DNPEP: variants seen among roughly 807,000 people sequenced by gnomAD.
The protein encoded by DNPEP is aspartyl aminopeptidase.
A neutral mutation model predicts 59.1 loss-of-function variants in DNPEP; 46 were observed. The ratio of observed to expected loss-of-function variants is 0.78; its 90% confidence interval spans 0.61 to 0.99. The LOEUF is 0.99. Among genes scored for constraint, DNPEP ranks in the 50% least tolerant of loss-of-function variants. DNPEP has a pLI of 0.00. For missense variants in DNPEP, 617 were observed against 649.9 expected (o/e 0.95, Z 0.55); for synonymous variants, 229 against 242.2 (o/e 0.95, Z 0.50).
rs746254305 is a variant in DNPEP, at chr2:219,386,321, G to A, written c.424C>T (p.Arg142Cys). 10 of 1,614,176 alleles carry A rather than the reference G, an allele frequency of 6.2e-6. No homozygotes were observed. Among genetic ancestry groups the A allele is most frequent in the South Asian group, 3.3e-5 (3 of 91,088 alleles). ...ACGCGTCCAGCCAGAGTCAGGTCACGGTCAAACCAGGTGCTCCAGATCCCA... is the reference window on the plus strand; with the variant it reads ...ACGCGTCCAGCCAGAGTCAGGTCACAGTCAAACCAGGTGCTCCAGATCCCA... ...GGGIWSTWFD[R>C]DLTLAGRVIV... The change falls in exon 5 of 15, where the codon CGT becomes TGT. Residue 142 changes from arginine (R) to cysteine (C), a missense_variant. Physicochemically the swap from Arg to Cys is radical, Grantham distance 180. Transcript: ENST00000273075.
In DNPEP at chr2:219,398,901, T is replaced by C. The variant is rs565102908; in HGVS notation, c.-158+1039A>G. 2.0e-5 allele frequency among the ~76,000 whole-genome samples: 3 copies of C among 152,354 alleles called. No homozygotes were observed. In the South Asian group the frequency reaches 6.2e-4, roughly 32 times the overall value. On this transcript the variant is annotated intron_variant, in intron 1 of 6. Transcript: ENST00000434339. Reference sequence around the variant, plus strand: ...TGGCAGGCACAGGCCCTCGCCTTCCTCTGGGAGCCAAGATGGGGCATTTCT... The same window carrying C: ...TGGCAGGCACAGGCCCTCGCCTTCCCCTGGGAGCCAAGATGGGGCATTTCT...
intron 10 of DNPEP, among the ~76,000 whole-genome samples, chr2:219,382,358 C>T (rs1953639578): frequency 6.6e-6 from 1 of 152,226 alleles, no homozygotes; most frequent in Non-Finnish European, 1.5e-5. Flanking sequence ...TCCTGCACTG[C>T]TCCCCTTCCT....
At chr2:219,397,475 C>T (rs1954117999) in intron 1 of DNPEP, among the ~76,000 whole-genome samples, 1 of 152,154 alleles carries the variant, frequency 6.6e-6, no homozygotes, top group African/African-American at 2.4e-5. Context: ...AAGTGATTCT[C>T]GTGCTTCAGC....
chr2:219,399,045 C>T (rs1279357731), intron 1 of DNPEP, among the ~76,000 whole-genome samples: 5 of 152,212 alleles, frequency 3.3e-5, no homozygotes, highest in Admixed American at 1.3e-4. Context: ...TTTTGCTTCC[C>T]GTTTATTTAC....
At chr2:219,378,670 A>C (rs962638502) in intron 13 of DNPEP, among the ~76,000 whole-genome samples, 1 of 152,134 alleles carries the variant, frequency 6.6e-6, no homozygotes, top group Non-Finnish European at 1.5e-5. Flanking sequence ...TCAAAGATAG[A>C]CTACATATGA....
upstream of DNPEP, among the ~76,000 whole-genome samples, chr2:219,392,532 G>A (rs1473283791): frequency 2.6e-5 from 4 of 151,522 alleles, no homozygotes; most frequent in Admixed American, 6.6e-5. Flanking sequence ...TTTTTGAGAT[G>A]GAGTCTCACT....
chr2:219,399,954 G>A (rs1224186119), exon 1 of DNPEP: 5 of 1,539,752 alleles, frequency 3.2e-6, no homozygotes, highest in Non-Finnish European at 3.5e-6. Flanking sequence ...TCCCAAGGCT[G>A]GAGTGGACAG....
chr2:219,399,917 C>T (rs1434912212), intron 1 of DNPEP: 1 of 1,550,536 alleles, frequency 6.4e-7, no homozygotes, highest in Admixed American at 2.0e-5. Context: ...TGGAGAGGCT[C>T]CGAGCCATGG....
upstream of DNPEP, among the ~76,000 whole-genome samples, chr2:219,391,104 C>G (rs1954009422): frequency 6.6e-6 from 1 of 152,138 alleles, no homozygotes; most frequent in African/African-American, 2.4e-5. Context: ...CATGACTTTG[C>G]CTGAGGGGTC....
At chr2:219,377,520 G>A (rs1342640243) in intron 13 of DNPEP, among the ~76,000 whole-genome samples, 1 of 152,056 alleles carries the variant, frequency 6.6e-6, no homozygotes, top group African/African-American at 2.4e-5. Context: ...GTCCTGAGTT[G>A]GATACTAGGG....
rs951263671 is a variant in DNPEP at position 219,372,906 on chromosome 2, A to G, written c.*1386T>C. Reference sequence around the variant, plus strand: ...ATTAAATTTATATGTATTGATATAGAAATATCTCTATATTATATTAAGTTT... The same window carrying G: ...ATTAAATTTATATGTATTGATATAGGAATATCTCTATATTATATTAAGTTT... On this transcript the variant is annotated 3_prime_UTR_variant, in exon 15 of 15. Coordinates refer to ENST00000273075, the MANE Select transcript of DNPEP (RefSeq NM_012100.4). Among the ~76,000 whole-genome samples the G allele has an allele frequency of 1.3e-5, 2 of 152,200 alleles. No homozygotes were observed. The highest frequency in any genetic ancestry group is 4.8e-5 in the African/African-American group (2 of 41,456).
upstream of DNPEP, among the ~76,000 whole-genome samples, chr2:219,391,424 T>C (rs1954014995): frequency 6.6e-6 from 1 of 152,186 alleles, no homozygotes. Context: ...TGCCATTATG[T>C]AGATTTCCAC....
At chr2:219,383,950 G>A (rs1290161554) in intron 9 of DNPEP, among the ~76,000 whole-genome samples, 1 of 152,240 alleles carries the variant, frequency 6.6e-6, no homozygotes, top group African/African-American at 2.4e-5. Flanking sequence ...ACCTGACTGA[G>A]ATCCCAAGAA....
At chr2:219,399,922 C>T in intron 1 of DNPEP, 1 of 1,550,454 alleles carries the variant, frequency 6.4e-7, no homozygotes, top group Non-Finnish European at 8.7e-7. Flanking sequence ...AGGCTCCGAG[C>T]CATGGTGACC....
At chr2:219,396,661 C>G (rs1003960769) in intron 1 of DNPEP, among the ~76,000 whole-genome samples, 1 of 152,116 alleles carries the variant, frequency 6.6e-6, no homozygotes. Context: ...ATGGGATATG[C>G]TTATACTAAA....
chr2:219,373,502 G>A lies in DNPEP; in HGVS notation c.*790C>T, dbSNP rs1309358140. The A allele has an allele frequency of 1.3e-5, 2 of 152,258 alleles. No homozygotes were observed. The highest frequency in any genetic ancestry group is 2.9e-5 in the Non-Finnish European group (2 of 68,160). The allele number at this position is 152,258 out of a possible 1,614,324, so 9.4% of individuals were successfully genotyped here. A position where few individuals can be genotyped will look rare whatever the true frequency, so the allele number is the denominator to read the frequency against. ...AGTCTCCTGAATAGCTGAGATTACA[G>A]GTGTGTGCCACCATGCCTGGCTAAT... On this transcript the variant is annotated 3_prime_UTR_variant, in exon 15 of 15. Coordinates refer to ENST00000273075, the MANE Select transcript of DNPEP (RefSeq NM_012100.4).
chr2:219,389,287 T>C (rs982097944), upstream of DNPEP, among the ~76,000 whole-genome samples: 4 of 152,064 alleles, frequency 2.6e-5, no homozygotes, highest in African/African-American at 7.2e-5. Context: ...TGATCAGGAC[T>C]CTTGGTGGCC....
intron 13 of DNPEP, among the ~76,000 whole-genome samples, chr2:219,377,673 T>C (rs1254923532): frequency 2.0e-5 from 3 of 151,956 alleles, no homozygotes; most frequent in African/African-American, 7.3e-5. Context: ...CCTGTAATCC[T>C]AGCACTTTGG....
In DNPEP at chr2:219,372,532, A is replaced by AT. The variant is rs984122780; in HGVS notation, c.*1759dup. On this transcript the variant is annotated 3_prime_UTR_variant, in exon 15 of 15. Transcript: ENST00000273075. The stretch of plus-strand genomic sequence containing the variant: ...AGGCACCCACCACCACGCATGGCTA[A>AT]TTTTTTTTGTATTTTTAGTAGAGAG... Among the ~76,000 whole-genome samples, 7 of 151,374 alleles carry AT rather than the reference A, an allele frequency of 4.6e-5. No homozygotes were observed. Among genetic ancestry groups the AT allele is most frequent in the East Asian group, 1.9e-4 (1 of 5,156 alleles).
Sources: gnomAD v4.1 joint callset for allele counts (sites outside exome capture counted in the v4.1 genomes callset) on GRCh38, gnomAD v4.1.1 for gene constraint, MANE v1.5 for transcripts, NCBI Gene and HGNC (gene_info 2026-07-23, HGNC 2026-07-21) for gene names.